Variants in HERC2 observed in about 807,000 individuals in gnomAD.
The protein encoded by HERC2 is E3 ubiquitin-protein ligase HERC2.
A neutral mutation model predicts 537.7 loss-of-function variants in HERC2; 102 were observed. The observed-to-expected ratio is 0.19, with a 90% confidence interval of 0.16 to 0.22. The LOEUF (loss-of-function observed/expected upper bound fraction) is 0.22. Ranked by LOEUF, HERC2 falls within the 10% of genes least tolerant of loss-of-function variation. The pLI, the probability that HERC2 is intolerant of heterozygous loss-of-function variation, is 1.00. For missense variants in HERC2, 4,236 were observed against 6,198.2 expected (o/e 0.68, Z 10.63); for synonymous variants, 2,224 against 2,466.2 (o/e 0.90, Z 2.91).
chr15:28,261,701 T>C (rs1004780558), intron 15 of HERC2, among the ~76,000 whole-genome samples: 1 of 152,148 alleles, frequency 6.6e-6, no homozygotes, highest in African/African-American at 2.4e-5. Context: ...GCAAATGAAA[T>C]TCAAATACCA....
Position 28,240,157 on chromosome 15 carries a change from G to C in HERC2, c.3578-1385C>G, listed in dbSNP as rs546127335. 6.5e-4 allele frequency among the ~76,000 whole-genome samples: 99 copies of C among 152,306 alleles called. 1 individual carries two copies. The South Asian group carries it at 0.019, about 30-fold the overall frequency. ...CCAATCAGAGGGCGCAGTGGCTCAC[G>C]CCTGTAATCCCAGCACTTTGGGAGG... On this transcript the variant is annotated intron_variant, in intron 23 of 92. Coordinates refer to ENST00000261609, the MANE Select transcript of HERC2 (RefSeq NM_004667.6).
chr15:28,206,832 C>CAAAAAAA (rs71132838), intron 44 of HERC2, among the ~76,000 whole-genome samples: 1 of 51,444 alleles, frequency 1.9e-5, no homozygotes, highest in African/African-American at 6.9e-5. Context: ...GACTCGGTCT[C>CAAAAAAA]AAAAAAAAAA....
intron 70 of HERC2, among the ~76,000 whole-genome samples, chr15:28,147,843 T>C (rs112911866): frequency 1.3e-5 from 2 of 151,672 alleles, no homozygotes; most frequent in African/African-American, 2.4e-5. Context: ...TGAGACAAGA[T>C]TGGGCAACAC....
intron 56 of HERC2, among the ~76,000 whole-genome samples, chr15:28,183,603 T>C (rs1566981008): frequency 1.3e-5 from 2 of 152,232 alleles, no homozygotes. Flanking sequence ...TCTTGGCTGA[T>C]GGTCTGATGC....
intron 2 of HERC2, among the ~76,000 whole-genome samples, chr15:28,311,054 G>T (rs1421097096): frequency 8.5e-6 from 1 of 117,716 alleles, no homozygotes; most frequent in African/African-American, 3.1e-5. Flanking sequence ...TCCAGCCTGG[G>T]TGACAGAGTG....
intron 81 of HERC2, among the ~76,000 whole-genome samples, chr15:28,131,224 C>T (rs1055289283): frequency 3.9e-5 from 6 of 152,152 alleles, no homozygotes; most frequent in African/African-American, 1.2e-4. Context: ...ACAATGGCAT[C>T]GGGACGTCCT....
rs773028037 is a variant in HERC2, at chr15:28,220,512, C to G, written c.5785G>C (p.Ala1929Pro). ...GKEGKYDLKL[A>P]ELPAAAQPSA... ...GGCTGTGCAGCAGCCGGCAGCTCTG[C>G]CAGCTTGAGGTCGTATTTTCCTTCT... is the stretch of plus-strand genomic sequence containing the variant. The change falls in exon 37 of 93, where the codon GCA becomes CCA. Residue 1929 changes from alanine to proline, a missense_variant. Transcript: ENST00000261609. The G allele has an allele frequency of 7.5e-6, 12 of 1,603,196 alleles. No homozygotes were observed. The highest frequency in any genetic ancestry group is 1.0e-5 in the Non-Finnish European group (12 of 1,179,804).
chr15:28,167,407 A>T (rs1894252850), intron 68 of HERC2, among the ~76,000 whole-genome samples: 1 of 152,208 alleles, frequency 6.6e-6, no homozygotes, highest in East Asian at 1.9e-4. Context: ...TAAGGATACT[A>T]TTGGGATGAT....
chr15:28,292,015 G>T lies in HERC2; in HGVS notation c.322+873C>A, dbSNP rs529119933. On this transcript the variant is annotated intron_variant, in intron 4 of 92. Coordinates refer to ENST00000261609, the MANE Select transcript of HERC2 (RefSeq NM_004667.6). ...GGCCAAGGTGGGTGGATCACCTGAG[G>T]TCAGGAGTTCAAGACCAGCCTGGCT... is the stretch of plus-strand genomic sequence containing the variant. Among the ~76,000 whole-genome samples the T allele has an allele frequency of 4.0e-5, 6 of 151,364 alleles. No individual in the cohort carries two copies. In the South Asian group the frequency reaches 6.3e-4, roughly 16 times the overall value.
At chr15:28,198,532 A>C (rs1164682130) in intron 49 of HERC2, 29 bp from the exon 50 acceptor site, 7 of 1,611,262 alleles carry the variant, frequency 4.3e-6, no homozygotes, top group Non-Finnish European at 5.9e-6. Flanking sequence ...AATCATTATA[A>C]TCAATATTCA....
At chr15:28,212,691 C>G in intron 42 of HERC2, 108 bp from the exon 43 acceptor site, 3 of 1,178,866 alleles carry the variant, frequency 2.5e-6, no homozygotes, top group Non-Finnish European at 3.6e-6. Flanking sequence ...CACACATACC[C>G]GTAAGCCTTT....
intron 44 of HERC2, among the ~76,000 whole-genome samples, chr15:28,209,366 C>T (rs1180039557): frequency 6.6e-6 from 1 of 151,830 alleles, no homozygotes; most frequent in Non-Finnish European, 1.5e-5. Context: ...TTTTTTGAGA[C>T]AGAGTCTCGC....
intron 5 of HERC2, 172 bp downstream of exon 5, chr15:28,279,896 C>G: frequency 1.6e-6 from 1 of 606,348 alleles, no homozygotes; most frequent in Admixed American, 3.1e-5. Flanking sequence ...ACTACATGAG[C>G]AAATTGGCAA....
intron 4 of HERC2, among the ~76,000 whole-genome samples, chr15:28,282,955 A>T (rs2076059909): frequency 1.4e-5 from 2 of 141,040 alleles, no homozygotes; most frequent in South Asian, 4.9e-4. Flanking sequence ...AAGGGATGGG[A>T]AGGGACAGGA....
At chr15:28,231,080 G>C (rs1901791732) in intron 30 of HERC2, among the ~76,000 whole-genome samples, 1 of 152,052 alleles carries the variant, frequency 6.6e-6, no homozygotes, top group Admixed American at 6.5e-5. Context: ...CTGTTACTGT[G>C]TAACTGAATC....
chr15:28,128,712 AAC>A (rs1889773264), intron 83 of HERC2, among the ~76,000 whole-genome samples: 1 of 152,204 alleles, frequency 6.6e-6, no homozygotes, highest in Non-Finnish European at 1.5e-5. Context: ...TGGCTTAAAC[AAC>A]ACACACTTAG....
intron 65 of HERC2, among the ~76,000 whole-genome samples, chr15:28,171,177 C>T (rs1235214883): frequency 1.3e-5 from 2 of 152,188 alleles, no homozygotes; most frequent in Admixed American, 6.5e-5. Flanking sequence ...TCACATTCAC[C>T]TGTATATGAA....
intron 10 of HERC2, among the ~76,000 whole-genome samples, chr15:28,269,870 C>T: frequency 6.6e-6 from 1 of 152,248 alleles, no homozygotes. Flanking sequence ...TAGGTGCATC[C>T]CCACCTGTGC....
intron 44 of HERC2, among the ~76,000 whole-genome samples, chr15:28,209,558 T>A (rs1310788970): frequency 1.3e-5 from 2 of 152,182 alleles, no homozygotes; most frequent in Admixed American, 6.5e-5. Context: ...TTAGCCAGGA[T>A]GGTCTCGATC....
Sources: allele counts gnomAD v4.1 joint callset (sites outside exome capture counted in the v4.1 genomes callset), GRCh38; gene constraint gnomAD v4.1.1; transcripts MANE v1.5; gene names NCBI Gene and HGNC (gene_info 2026-07-23, HGNC 2026-07-21).